Variants in SORBS2 observed in about 807,000 individuals in gnomAD.
SORBS2 encodes the protein sorbin and SH3 domain-containing protein 2.
A neutral mutation model predicts 97.7 loss-of-function variants in SORBS2; 46 were observed. That is an observed-to-expected ratio of 0.47 (90% CI 0.37 to 0.60). The LOEUF (loss-of-function observed/expected upper bound fraction) is 0.60, where lower values mean the gene tolerates loss of function less well. Among genes scored for constraint, SORBS2 ranks in the 20% least tolerant of loss-of-function variants. The pLI is 0.00. For missense variants in SORBS2, 1,316 were observed against 1,282.3 expected (o/e 1.03, Z -0.40); for synonymous variants, 476 against 473.4 (o/e 1.01, Z -0.07).
chr4:185,760,437 C>T (rs189265690), intron 2 of SORBS2, among the ~76,000 whole-genome samples: 254 of 152,298 alleles, frequency 1.7e-3, no homozygotes, highest in Admixed American at 2.9e-3. Context: ...GTGGTGGGCA[C>T]CTGTAATACC....
chr4:185,713,291 C>G lies in SORBS2; in HGVS notation c.-197-34469G>C, dbSNP rs147165732. ...TGAGTTCTTCAGATTTATGCTCCAG[C>G]ACCTCTGTATCAGAGACCTTTCCTA... On this transcript the variant is annotated intron_variant, in intron 2 of 20. Coordinates refer to the SORBS2 transcript ENST00000284776. Among the ~76,000 whole-genome samples, 215 of 152,324 alleles carry G rather than the reference C, an allele frequency of 1.4e-3. 2 individuals are homozygous for G. The highest frequency in any genetic ancestry group is 4.8e-3 in the African/African-American group (201 of 41,576).
At position 185,866,023 on chromosome 4, in the gene SORBS2, T is replaced by C. The variant is rs540902171; in HGVS notation, c.-338+90173A>G. Among the ~76,000 whole-genome samples, 4 of 152,316 alleles carry C rather than the reference T, an allele frequency of 2.6e-5. No individual in the cohort carries two copies. The East Asian group carries it at 5.8e-4, about 22-fold the overall frequency. On this transcript the variant is annotated intron_variant, in intron 1 of 20. Transcript: ENST00000284776. ...CGCCCAGGAAATGCAGGTTTTGATA[T>C]GTACAAATTGCCAAAGGAAATTCCA...
chr4:185,714,425 ATATAACT>A (rs2098448395), intron 2 of SORBS2, among the ~76,000 whole-genome samples: 1 of 148,344 alleles, frequency 6.7e-6, no homozygotes, highest in African/African-American at 2.5e-5. Context: ...TGTAATGTTT[ATATAACT>A]TCACTTAAAT....
exon 13 of SORBS2, chr4:185,593,892 C>T (rs903088740): frequency 6.2e-7 from 1 of 1,601,032 alleles, no homozygotes. Flanking sequence ...TTACGGTTCC[C>T]CCCCACCTTG....
chr4:185,666,092 G>T (rs1582220295), intron 4 of SORBS2: 2 of 1,289,768 alleles, frequency 1.6e-6, no homozygotes, highest in Non-Finnish European at 2.0e-6. Context: ...AAAGTGGCTC[G>T]GTTCAAAGGT....
chr4:185,618,572 T>C lies in SORBS2; in HGVS notation c.2351+13A>G. 6.8e-7 allele frequency: 1 copy of C among 1,460,422 alleles called. No homozygotes were observed. Among genetic ancestry groups the C allele is most frequent in the Non-Finnish European group, 9.4e-7 (1 of 1,069,478 alleles). 90.5% of individuals were successfully genotyped at this position (1,460,422 alleles called of 1,614,324 possible). A position where few individuals can be genotyped will look rare whatever the true frequency, so the allele number is the denominator to read the frequency against. On this transcript the variant is annotated intron_variant, in intron 9 of 14. Coordinates refer to ENST00000418609, the Ensembl canonical transcript of SORBS2. ...CCACCTTAAATCATATGATGAGTAT[T>C]TATCTTACTTACTTAGATGTCTGAG...
intron 1 of SORBS2, among the ~76,000 whole-genome samples, chr4:185,895,386 T>C (rs979594035): frequency 6.6e-6 from 1 of 152,242 alleles, no homozygotes; most frequent in Admixed American, 6.5e-5. Flanking sequence ...TCTTCCCTTG[T>C]CCTCATAACC....
chr4:185,667,098 C>T (rs2097618510), intron 4 of SORBS2, among the ~76,000 whole-genome samples: 4 of 152,150 alleles, frequency 2.6e-5, no homozygotes, highest in Non-Finnish European at 5.9e-5. Flanking sequence ...CTCAATTCAA[C>T]GTAAGTGAAT....
chr4:185,763,167 T>C (rs1478917643), intron 2 of SORBS2, among the ~76,000 whole-genome samples: 1 of 151,646 alleles, frequency 6.6e-6, no homozygotes, highest in Non-Finnish European at 1.5e-5. Flanking sequence ...CCAGCCTGGG[T>C]GACAGAGAGA....
At chr4:185,840,420 A>T (rs950310926) in intron 1 of SORBS2, among the ~76,000 whole-genome samples, 4 of 152,178 alleles carry the variant, frequency 2.6e-5, no homozygotes, top group African/African-American at 9.7e-5. Context: ...TCCTATTCAG[A>T]TGAATAACTA....
chr4:185,623,356 C>T lies in SORBS2; in HGVS notation c.1773G>A (p.Arg591=), dbSNP rs775418076. ...TAGAAAGGCCAGGGTCCATTTCTTG[C>T]CTTCTGGGCTCCTCGGTGTTTTCGT... The change falls in exon 7 of 15, where the codon AGG becomes AGA. Residue 591 remains arginine, a synonymous_variant. Transcript: ENST00000418609. This position sits in a 1 kb window ranked among gnomAD's most constrained non-coding sequence, Gnocchi z 6.4. 9 of 1,613,642 alleles carry T rather than the reference C, an allele frequency of 5.6e-6. No homozygotes were observed. The highest frequency in any genetic ancestry group is 5.1e-6 in the Non-Finnish European group (6 of 1,180,036).
chr4:185,925,357 T>G (rs1579523284), intron 1 of SORBS2, among the ~76,000 whole-genome samples: 1 of 152,116 alleles, frequency 6.6e-6, no homozygotes, highest in Admixed American at 6.5e-5. Context: ...ATGTGGTGGG[T>G]GGTCAGAATT....
At chr4:185,758,607 C>T (rs1435955055) in intron 2 of SORBS2, among the ~76,000 whole-genome samples, 2 of 152,190 alleles carry the variant, frequency 1.3e-5, no homozygotes, top group East Asian at 1.9e-4. Context: ...CAGGCACCTT[C>T]CTTCCTCACC....
intron 1 of SORBS2, among the ~76,000 whole-genome samples, chr4:185,821,176 G>A (rs1284416671): frequency 2.6e-5 from 4 of 152,204 alleles, no homozygotes; most frequent in Non-Finnish European, 5.9e-5. Context: ...TCACCAAGGG[G>A]CCACACGCGA....
At chr4:185,707,512 TG>T (rs1274411376) in intron 2 of SORBS2, among the ~76,000 whole-genome samples, 1 of 83,062 alleles carries the variant, frequency 1.2e-5, no homozygotes, top group East Asian at 3.3e-4. Context: ...TAAACATCTT[TG>T]TTTTTTTTTT....
At chr4:185,731,862 CTCTCTATATA>C (rs1490677878) in intron 2 of SORBS2, among the ~76,000 whole-genome samples, 261 of 30,464 alleles carry the variant, frequency 8.6e-3, no homozygotes, top group Middle Eastern at 0.019. Context: ...CTCTCTCTCT[CTCTCTATATA>C]TATATATATA....
At chr4:185,655,929 C>A (rs916341966) in intron 1 of SORBS2, among the ~76,000 whole-genome samples, 3 of 152,176 alleles carry the variant, frequency 2.0e-5, no homozygotes, top group Admixed American at 1.3e-4. Context: ...TACATAGAAT[C>A]AGGGCTTTCT....
At chr4:185,825,173 T>C (rs2099199069) in intron 1 of SORBS2, among the ~76,000 whole-genome samples, 1 of 151,402 alleles carries the variant, frequency 6.6e-6, no homozygotes, top group Admixed American at 6.6e-5. Flanking sequence ...ATTAGGCACA[T>C]GGGGAATATC....
chr4:185,637,215 T>C (rs1432604247), intron 4 of SORBS2, among the ~76,000 whole-genome samples: 1 of 152,260 alleles, frequency 6.6e-6, no homozygotes, highest in African/African-American at 2.4e-5. Context: ...ATTTTTACCA[T>C]GCCTTTTCTA....
Sources: gnomAD v4.1 joint callset for allele counts (sites outside exome capture counted in the v4.1 genomes callset) on GRCh38, gnomAD v4.1.1 for gene constraint, Gnocchi (gnomAD v3.1) non-coding constraint, MANE v1.5 for transcripts, NCBI Gene and HGNC (gene_info 2026-07-23, HGNC 2026-07-21) for gene names.